The following PCDH11X variants were observed in gnomAD, a reference collection of about 807,000 sequenced individuals.
The protein encoded by PCDH11X is protocadherin-11 X-linked.
PCDH11X carries 18 observed loss-of-function variants against 53.3 expected under a neutral mutation model. The observed-to-expected ratio is 0.34, with a 90% CI of 0.23 to 0.50. The LOEUF (loss-of-function observed/expected upper bound fraction) is 0.50, where lower values mean the gene tolerates loss of function less well. PCDH11X is among the 20% of genes least tolerant of loss of function. PCDH11X has a pLI of 0.98. For synonymous variants in PCDH11X, 279 were observed against 393.3 expected, an observed-to-expected ratio of 0.71 and a Z score of 3.44; for missense variants, 570 against 1,032.4, an observed-to-expected ratio of 0.55 and a Z score of 6.14.
At chrX:92,221,165 A>G (rs2148354747) in intron 7 of PCDH11X, among the ~76,000 whole-genome samples, 1 of 103,536 alleles carries the variant, frequency 9.7e-6, no homozygotes, top group Non-Finnish European at 2.0e-5. Context: ...TAACCTGCAC[A>G]TTGTGCACAT....
At chrX:91,986,738 C>T (rs2062234099) in intron 6 of PCDH11X, among the ~76,000 whole-genome samples, 1 of 105,515 alleles carries the variant, frequency 9.5e-6, no homozygotes, top group Non-Finnish European at 2.0e-5. Context: ...TTTAAGCACT[C>T]ATGTGATTAG....
chrX:92,398,328 A>G (rs1412417997), intron 9 of PCDH11X, among the ~76,000 whole-genome samples: 2 of 111,480 alleles, frequency 1.8e-5, no homozygotes, highest in East Asian at 5.7e-4. Flanking sequence ...GTAAAAACAT[A>G]CTGCTTTCAG....
intron 10 of PCDH11X, among the ~76,000 whole-genome samples, chrX:92,596,600 G>T (rs946296936): frequency 2.0e-5 from 2 of 100,571 alleles, no homozygotes; most frequent in Non-Finnish European, 4.0e-5. Context: ...CCCAAGACCT[G>T]ATGGCTTCAC....
At chrX:92,435,936 C>A (rs1466802333) in intron 9 of PCDH11X, among the ~76,000 whole-genome samples, 1 of 108,920 alleles carries the variant, frequency 9.2e-6, no homozygotes, top group Admixed American at 9.9e-5. Context: ...GCACACATAT[C>A]AATACCAACA....
In PCDH11X at chrX:92,346,014, G is replaced by T. The variant is rs190580236; in HGVS notation, c.3145-41721G>T. 7.7e-3 allele frequency among the ~76,000 whole-genome samples: 848 copies of T among 110,022 alleles called. 10 individuals are homozygous for T. The highest frequency in any genetic ancestry group is 0.027 in the African/African-American group (817 of 30,452). On this transcript the variant is annotated intron_variant, in intron 8 of 10. Transcript: ENST00000682573. ...AAATCCAATTTTAAAGTAAAATGTTGTTGTTTTGAATTTCCAATGATAGGT... is the reference window on the plus strand; with the variant it reads ...AAATCCAATTTTAAAGTAAAATGTTTTTGTTTTGAATTTCCAATGATAGGT...
At chrX:92,411,050 T>A (rs935380788) in intron 9 of PCDH11X, among the ~76,000 whole-genome samples, 1 of 108,939 alleles carries the variant, frequency 9.2e-6, no homozygotes, top group African/African-American at 3.4e-5. Flanking sequence ...GTCAACAGAT[T>A]ACATTTAAAA....
At chrX:92,401,291 A>G (rs1352405759) in intron 9 of PCDH11X, among the ~76,000 whole-genome samples, 1 of 109,050 alleles carries the variant, frequency 9.2e-6, no homozygotes, top group African/African-American at 3.3e-5. Flanking sequence ...GTGGAGGAAT[A>G]TTGAATATAT....
intron 6 of PCDH11X, among the ~76,000 whole-genome samples, chrX:92,122,894 GCC>G (rs2148181794): frequency 9.0e-6 from 1 of 111,133 alleles, no homozygotes; most frequent in African/African-American, 3.3e-5. Flanking sequence ...CTGAGATCAT[GCC>G]ACTGCACTCC....
intron 7 of PCDH11X, among the ~76,000 whole-genome samples, chrX:92,222,150 T>TG (rs1336456251): frequency 9.0e-6 from 1 of 110,930 alleles, no homozygotes; most frequent in Non-Finnish European, 1.9e-5. Flanking sequence ...ATAGATTTTT[T>TG]TTTTTAAAGG....
chrX:92,333,365 T>C (rs1215314087), intron 8 of PCDH11X, among the ~76,000 whole-genome samples: 2 of 111,409 alleles, frequency 1.8e-5, no homozygotes, highest in East Asian at 5.7e-4. Context: ...GAGCTGACAA[T>C]TGATGCCTGT....
At chrX:91,934,224 A>T (rs1258568516) in intron 6 of PCDH11X, among the ~76,000 whole-genome samples, 2 of 110,199 alleles carry the variant, frequency 1.8e-5, no homozygotes, top group Admixed American at 9.7e-5. Flanking sequence ...ATGTTATTGT[A>T]GAAGAATTTC....
intron 5 of PCDH11X, among the ~76,000 whole-genome samples, chrX:91,858,897 G>C (rs1187009998): frequency 9.0e-6 from 1 of 111,542 alleles, no homozygotes; most frequent in African/African-American, 3.3e-5. Context: ...CCTCTAAACT[G>C]TTCCAGTCTC....
chrX:92,296,014 C>T (rs763102891), intron 8 of PCDH11X, among the ~76,000 whole-genome samples: 5 of 107,791 alleles, frequency 4.6e-5, no homozygotes, highest in East Asian at 5.9e-4. Flanking sequence ...ACCCGGGAGG[C>T]GAGGTTGCAG....
At chrX:92,490,774 GGAAA>G (rs200451883) in intron 10 of PCDH11X, among the ~76,000 whole-genome samples, 8 of 104,909 alleles carry the variant, frequency 7.6e-5, no homozygotes, top group East Asian at 6.2e-4. Flanking sequence ...AAGAAAGAAA[GGAAA>G]GAAAGAAAGA....
rs766488525 is a variant in PCDH11X, at chrX:91,989,291, G to A, written c.3033+110018G>A. ...AGAAGAAGAAAAGAAGGCCGGGCGCGGTGGCTCATGCCTGTAATCCCAGCA... is the reference window on the plus strand; with the variant it reads ...AGAAGAAGAAAAGAAGGCCGGGCGCAGTGGCTCATGCCTGTAATCCCAGCA... On this transcript the variant is annotated intron_variant, in intron 6 of 10. Coordinates refer to ENST00000682573, the MANE Select transcript of PCDH11X (RefSeq NM_032968.5). 4.5e-5 allele frequency among the ~76,000 whole-genome samples: 5 copies of A among 111,354 alleles called. No homozygotes were observed. In the South Asian group the frequency reaches 1.5e-3, roughly 34 times the overall value.
In PCDH11X at chrX:92,464,016, C is replaced by A. The variant is rs753155335; in HGVS notation, c.3344-4283C>A. On this transcript the variant is annotated intron_variant, in intron 9 of 10. Coordinates refer to ENST00000682573, the MANE Select transcript of PCDH11X (RefSeq NM_032968.5). Reference sequence around the variant, plus strand: ...TTTCGATTCCTAAGGTTTTAGTTACCTCTATAATAAAGGCAACATTATGAC... The same window carrying A: ...TTTCGATTCCTAAGGTTTTAGTTACATCTATAATAAAGGCAACATTATGAC... 2.2e-4 allele frequency among the ~76,000 whole-genome samples: 24 copies of A among 111,447 alleles called. No homozygotes were observed. In the East Asian group the frequency reaches 6.2e-3, roughly 29 times the overall value.
chrX:92,041,899 G>A (rs2063215182), intron 6 of PCDH11X, among the ~76,000 whole-genome samples: 1 of 112,007 alleles, frequency 8.9e-6, no homozygotes, highest in African/African-American at 3.2e-5. Context: ...AACCCAGGAG[G>A]TGGAGGTTGC....
chrX:91,807,176 C>CAAAA (rs1218341876), intron 1 of PCDH11X, among the ~76,000 whole-genome samples: 43 of 32,246 alleles, frequency 1.3e-3, no homozygotes, highest in Non-Finnish European at 1.7e-3. Flanking sequence ...CTCATCTCTA[C>CAAAA]AAAAAAAAAA....
At chrX:92,059,369 G>T (rs1444464710) in intron 6 of PCDH11X, among the ~76,000 whole-genome samples, 3 of 111,176 alleles carry the variant, frequency 2.7e-5, no homozygotes, top group African/African-American at 9.8e-5. Flanking sequence ...ATTTAAAGAT[G>T]AGAAAATGGA....
Sources: gnomAD v4.1 joint callset for allele counts (sites outside exome capture counted in the v4.1 genomes callset) on GRCh38, gnomAD v4.1.1 for gene constraint, MANE v1.5 for transcripts, NCBI Gene and HGNC (gene_info 2026-07-23, HGNC 2026-07-21) for gene names.